The following GPC1 variants were observed in gnomAD, a reference collection of about 807,000 sequenced individuals.
The protein encoded by GPC1 is glypican-1.
GPC1 carries 26 observed loss-of-function variants against 51.5 expected under a neutral mutation model. That is an observed-to-expected ratio of 0.50 (90% CI 0.37 to 0.70). The LOEUF (loss-of-function observed/expected upper bound fraction) is 0.70, where lower values mean the gene tolerates loss of function less well. Among genes scored for constraint, GPC1 ranks in the 30% least tolerant of loss-of-function variants. GPC1 has a pLI of 0.00. For synonymous variants in GPC1, 380 were observed against 348.3 expected (o/e 1.09, Z -1.01); for missense variants, 775 against 800.5 (o/e 0.97, Z 0.38).
intron 1 of GPC1, chr2:240,452,316 A>T (rs1272991209): frequency 6.5e-6 from 1 of 152,684 alleles, no homozygotes; most frequent in Non-Finnish European, 1.5e-5. Flanking sequence ...AGGTCAGGAT[A>T]TAGGGGCAGG....
chr2:240,452,188 C>G (rs2074105050), intron 1 of GPC1: 1 of 152,630 alleles, frequency 6.6e-6, no homozygotes, highest in Admixed American at 6.5e-5. Context: ...GGCTGTCCCT[C>G]TGGTGTCCAA....
chr2:240,447,505 T>C (rs1238048994), intron 1 of GPC1, among the ~76,000 whole-genome samples: 1 of 152,206 alleles, frequency 6.6e-6, no homozygotes, highest in East Asian at 1.9e-4. Context: ...CCCATGGACC[T>C]CGGGTTCCCA....
rs565977126 is a variant in GPC1 at position 240,448,433 on chromosome 2, G to A, written c.167-10597G>A. Among the ~76,000 whole-genome samples, 2 of 152,312 alleles carry A rather than the reference G, an allele frequency of 1.3e-5. No homozygotes were observed. Among genetic ancestry groups the A allele is most frequent in the Admixed American group, 6.5e-5 (1 of 15,306 alleles). On this transcript the variant is annotated intron_variant, in intron 1 of 8. Coordinates refer to ENST00000264039, the MANE Select transcript of GPC1 (RefSeq NM_002081.3). This position sits in a 1 kb window ranked among gnomAD's most constrained non-coding sequence, Gnocchi z 4.5. Reference sequence around the variant, plus strand: ...ACAGTCCCTGCCAGGCAGTCCGGGTGTAGATAGTCCCTGCCAGGAAGTCTG... The same window carrying A: ...ACAGTCCCTGCCAGGCAGTCCGGGTATAGATAGTCCCTGCCAGGAAGTCTG...
At chr2:240,449,982 G>A (rs765790925) in intron 1 of GPC1, 9 of 458,778 alleles carry the variant, frequency 2.0e-5, no homozygotes, top group African/African-American at 1.2e-4. Context: ...TCTACCTTCC[G>A]GCTCTGGTGA....
At chr2:240,465,797 C>T (rs114804839) in intron 8 of GPC1, 149 bp downstream of exon 8, 16,249 of 724,728 alleles carry the variant, frequency 0.022, 231 homozygotes, top group Non-Finnish European at 0.028. Flanking sequence ...TGCCCAGGCA[C>T]GATCACCGAG....
At position 240,462,307 on chromosome 2, in the gene GPC1, C is replaced by T. The variant is rs747249557; in HGVS notation, c.442C>T (p.Leu148=). ...GGCCTTCCGGGACCTGTACTCAGAGCTGCGCCTGTACTACCGCGGTGCCAA... is the reference window on the plus strand; with the variant it reads ...GGCCTTCCGGGACCTGTACTCAGAGTTGCGCCTGTACTACCGCGGTGCCAA... ...ARAFRDLYSE[L]RLYYRGANLH... The change falls in exon 3 of 9, where the codon CTG becomes TTG. Residue 148 remains leucine (L), a synonymous_variant. Coordinates refer to ENST00000264039, the MANE Select transcript of GPC1 (RefSeq NM_002081.3). 1.2e-6 allele frequency: 2 copies of T among 1,608,104 alleles called. No individual in the cohort carries two copies. Among genetic ancestry groups the T allele is most frequent in the Admixed American group, 1.7e-5 (1 of 59,468 alleles).
At chr2:240,452,926 T>C in intron 1 of GPC1, 2 of 303,762 alleles carry the variant, frequency 6.6e-6, no homozygotes, top group South Asian at 4.9e-5. Context: ...TGCGAGCCCT[T>C]CCGCCCGGCC....
At chr2:240,439,553 A>C (rs1226994816) in intron 1 of GPC1, among the ~76,000 whole-genome samples, 1 of 152,156 alleles carries the variant, frequency 6.6e-6, no homozygotes, top group African/African-American at 2.4e-5. Context: ...CTCCGAAGGA[A>C]TCTTTTCTTC....
intron 1 of GPC1, among the ~76,000 whole-genome samples, chr2:240,454,679 G>C (rs1020123926): frequency 6.6e-6 from 1 of 152,218 alleles, no homozygotes; most frequent in African/African-American, 2.4e-5. Flanking sequence ...TTAGGCATTC[G>C]AGTCTGTTGA....
rs1212740206 is a variant in GPC1 at position 240,453,408 on chromosome 2, C to T, written c.167-5622C>T. On this transcript the variant is annotated intron_variant, in intron 1 of 8. Transcript: ENST00000264039. Reference sequence around the variant, plus strand: ...CCCTCCGCCCGCCCCGCTCCCTCCGCCCGCCCCGCTCCCTCCGCCCGCCCC... The same window carrying T: ...CCCTCCGCCCGCCCCGCTCCCTCCGTCCGCCCCGCTCCCTCCGCCCGCCCC... 6.0e-5 allele frequency among the ~76,000 whole-genome samples: 2 copies of T among 33,444 alleles called. 1 individual carries two copies. The highest frequency in any genetic ancestry group is 1.1e-4 in the Non-Finnish European group (2 of 17,838). 21.9% of individuals were successfully genotyped at this position (33,444 alleles called of 152,430 possible).
At chr2:240,451,749 G>A in intron 1 of GPC1, 1 of 168,910 alleles carries the variant, frequency 5.9e-6, no homozygotes, top group Non-Finnish European at 1.3e-5. Flanking sequence ...TGGCATGGGG[G>A]GAGGCCTGCA....
chr2:240,466,197 G>A lies in GPC1; in HGVS notation c.1584G>A (p.Lys528=). 1 of 1,612,898 alleles carries A rather than the reference G, an allele frequency of 6.2e-7. No individual in the cohort carries two copies. Among genetic ancestry groups the A allele is most frequent in the Non-Finnish European group, 8.5e-7 (1 of 1,179,446 alleles). ...LPGLSEQEGQ[K]TSAASCPQPP... ...GCCTGTCAGAGCAGGAAGGACAGAAGACCTCGGCTGCCAGCTGCCCCCAGC... is the reference window on the plus strand; with the variant it reads ...GCCTGTCAGAGCAGGAAGGACAGAAAACCTCGGCTGCCAGCTGCCCCCAGC... The change falls in exon 9 of 9, where the codon AAG becomes AAA. Residue 528 remains lysine, a synonymous_variant. Coordinates refer to ENST00000264039, the MANE Select transcript of GPC1 (RefSeq NM_002081.3).
intron 1 of GPC1, chr2:240,451,294 T>C (rs1224111920): frequency 4.3e-6 from 2 of 470,238 alleles, no homozygotes; most frequent in Non-Finnish European, 8.8e-6. Context: ...GACTGGAATG[T>C]GGCTGCTGCG....
Position 240,464,990 on chromosome 2 carries a change from C to T in GPC1, c.1134+15C>T, listed in dbSNP as rs757122451. 20 of 1,561,586 alleles carry T rather than the reference C, an allele frequency of 1.3e-5. No homozygotes were observed. The highest frequency in any genetic ancestry group is 1.2e-4 in the South Asian group (10 of 84,986). ...TGGAGAAGCTGGTGAGTGGCCCCTG[C>T]GTGTCCACTGGACCAGGCATGAGGG... On this transcript the variant is annotated intron_variant, in intron 6 of 8. Coordinates refer to ENST00000264039, the MANE Select transcript of GPC1 (RefSeq NM_002081.3).
Position 240,462,409 on chromosome 2 carries a change from C to G in GPC1, c.544C>G (p.Leu182Val). 6.2e-7 allele frequency: 1 copy of G among 1,601,472 alleles called. No individual in the cohort carries two copies. ...CCTCTTCAAGCAGCTGCACCCCCAG[C>G]TGCTGCTGCCTGATGACTACCTGGA... ...ERLFKQLHPQLLLPDDYLDCL... is the reference protein window; with the variant it reads ...ERLFKQLHPQVLLPDDYLDCL... The change falls in exon 3 of 9, where the codon CTG becomes GTG. Residue 182 changes from leucine to valine, a missense_variant. Physicochemically the swap from Leu to Val is conservative, Grantham distance 32. Transcript: ENST00000264039.
At chr2:240,462,832 G>A (rs1211206720) in intron 3 of GPC1, among the ~76,000 whole-genome samples, 1 of 152,110 alleles carries the variant, frequency 6.6e-6, no homozygotes, top group Non-Finnish European at 1.5e-5. Flanking sequence ...GAACCATCAT[G>A]GGCCAGGATG....
chr2:240,446,717 A>C (rs2074053028), intron 1 of GPC1, among the ~76,000 whole-genome samples: 1 of 152,164 alleles, frequency 6.6e-6, no homozygotes, highest in Admixed American at 6.5e-5. Context: ...CCCCAACCCA[A>C]GGAGCCTGGA....
At chr2:240,452,933 G>C (rs1403826656) in intron 1 of GPC1, 4 of 306,536 alleles carry the variant, frequency 1.3e-5, no homozygotes, top group African/African-American at 2.4e-5. Context: ...CCTTCCGCCC[G>C]GCCCCGCTCC....
chr2:240,465,841 C>A (rs1264830647), intron 8 of GPC1, among the ~76,000 whole-genome samples, 193 bp downstream of exon 8: 1 of 152,284 alleles, frequency 6.6e-6, no homozygotes, highest in African/African-American at 2.4e-5. Context: ...GAGGCCTGGC[C>A]GGGATGTCTG....
Sources: allele counts gnomAD v4.1 joint callset (sites outside exome capture counted in the v4.1 genomes callset), GRCh38; gene constraint gnomAD v4.1.1; non-coding constraint Gnocchi (gnomAD v3.1); transcripts MANE v1.5; gene names NCBI Gene and HGNC (gene_info 2026-07-23, HGNC 2026-07-21).